BFAR: variants seen among roughly 807,000 people sequenced by gnomAD.
The protein encoded by BFAR is RING finger protein 47.
A neutral mutation model predicts 54.4 loss-of-function variants in BFAR; 52 were observed. The observed-to-expected ratio is 0.96, with a 90% CI of 0.77 to 1.21. The LOEUF (loss-of-function observed/expected upper bound fraction) is 1.21, where lower values mean the gene tolerates loss of function less well. Among genes scored for constraint, BFAR ranks in the 50% most tolerant of loss-of-function variants. The pLI is 0.00. For synonymous variants in BFAR, 215 were observed against 204.3 expected (o/e 1.05, Z -0.45); for missense variants, 571 against 534.0 (o/e 1.07, Z -0.68).
rs766145808 is a variant in BFAR, at chr16:14,668,316, A to G, written c.*489A>G. On this transcript the variant is annotated 3_prime_UTR_variant, in exon 8 of 8. Transcript: ENST00000261658. ...CTGTCATAGGCATAGAGAGTTGCAC[A>G]TAAAAAATACCGAAGAAAACCCAAA... is the stretch of plus-strand genomic sequence containing the variant. The G allele has an allele frequency of 1.3e-5, 2 of 156,466 alleles. No homozygotes were observed. The highest frequency in any genetic ancestry group is 2.8e-5 in the Non-Finnish European group (2 of 70,874). The allele number at this position is 156,466 out of a possible 1,614,324, so 9.7% of individuals were successfully genotyped here. A position where few individuals can be genotyped will look rare whatever the true frequency, so the allele number is the denominator to read the frequency against.
At chr16:14,659,010 C>T (rs770786318) in intron 5 of BFAR, among the ~76,000 whole-genome samples, 32 of 151,588 alleles carry the variant, frequency 2.1e-4, no homozygotes, top group Non-Finnish European at 4.1e-4. Flanking sequence ...CAGGTTCGAG[C>T]GATTCCCCTG....
chr16:14,652,534 G>A (rs751258173), intron 4 of BFAR, among the ~76,000 whole-genome samples: 1 of 151,972 alleles, frequency 6.6e-6, no homozygotes. Context: ...ACCCACCTCG[G>A]CCTCCCAAAG....
chr16:14,666,438 G>A (rs1287757846), intron 7 of BFAR, among the ~76,000 whole-genome samples: 3 of 152,198 alleles, frequency 2.0e-5, no homozygotes, highest in South Asian at 2.1e-4. Flanking sequence ...AGGCGTGGCG[G>A]TGGGTGCCTG....
intron 5 of BFAR, 50 bp from the exon 6 acceptor site, chr16:14,661,842 T>C: frequency 6.3e-7 from 1 of 1,594,872 alleles, no homozygotes; most frequent in Non-Finnish European, 8.6e-7. Flanking sequence ...CGTGGGTGGG[T>C]AGCTGGCCGC....
At chr16:14,654,992 G>A in intron 4 of BFAR, 74 bp from the exon 5 acceptor site, 13 of 1,364,910 alleles carry the variant, frequency 9.5e-6, no homozygotes, top group Non-Finnish European at 1.3e-5. Flanking sequence ...ATATTAGTAA[G>A]ATGGAACTCT....
intron 1 of BFAR, among the ~76,000 whole-genome samples, chr16:14,642,200 G>C (rs890181372): frequency 6.6e-6 from 1 of 152,206 alleles, no homozygotes; most frequent in Admixed American, 6.5e-5. Context: ...TAGCAAGATT[G>C]AGAAACTCAC....
At position 14,662,108 on chromosome 16, in the gene BFAR, A is replaced by G. The variant is rs764484052; in HGVS notation, c.957+43A>G. On this transcript the variant is annotated intron_variant, in intron 6 of 7. Coordinates refer to ENST00000261658, the MANE Select transcript of BFAR (RefSeq NM_016561.3). ...CTGGAATAAAGTTATTCCACTGTCAAGTTATTTGCAGAGATTGCTACCCAC... is the reference window on the plus strand; with the variant it reads ...CTGGAATAAAGTTATTCCACTGTCAGGTTATTTGCAGAGATTGCTACCCAC... 1.2e-6 allele frequency: 2 copies of G among 1,604,260 alleles called. 1 individual carries two copies. Among genetic ancestry groups the G allele is most frequent in the South Asian group, 2.2e-5 (2 of 90,678 alleles).
chr16:14,661,819 A>G, intron 5 of BFAR, 73 bp from the exon 6 acceptor site: 1 of 1,526,900 alleles, frequency 6.5e-7, no homozygotes, highest in Non-Finnish European at 9.0e-7. Context: ...AACAAGCGAG[A>G]GATGGGAAGG....
At position 14,653,257 on chromosome 16, in the gene BFAR, C is replaced by T. The variant is rs114441937; in HGVS notation, c.639-1809C>T. Among the ~76,000 whole-genome samples the T allele has an allele frequency of 9.5e-3, 1,447 of 152,252 alleles. 20 individuals are homozygous for T. The highest frequency in any genetic ancestry group is 0.033 in the African/African-American group (1,377 of 41,542). On this transcript the variant is annotated intron_variant, in intron 4 of 7. Transcript: ENST00000261658. ...TGCCTGTTAATAGCTCTCCGGCCAG[C>T]TTACAGTGATGTTTTTAAGGATGAA... is the stretch of plus-strand genomic sequence containing the variant.
chr16:14,643,751 T>G (rs1011737112), intron 1 of BFAR: 1 of 151,778 alleles, frequency 6.6e-6, no homozygotes, highest in African/African-American at 2.4e-5. Flanking sequence ...CCAGCCTTGT[T>G]GAGAATGAAT....
intron 1 of BFAR, among the ~76,000 whole-genome samples, chr16:14,638,700 C>T (rs1046908705): frequency 2.0e-4 from 30 of 152,184 alleles, no homozygotes; most frequent in Non-Finnish European, 1.2e-4. Flanking sequence ...AATCCCAACA[C>T]TTTGGGAGGC....
At chr16:14,659,242 T>TG (rs1567493905) in intron 5 of BFAR, among the ~76,000 whole-genome samples, 3 of 148,096 alleles carry the variant, frequency 2.0e-5, no homozygotes, top group African/African-American at 7.5e-5. Flanking sequence ...TTGTTTTTTT[T>TG]TGTTTTTTGT....
chr16:14,649,225 G>A (rs2014988), intron 3 of BFAR, among the ~76,000 whole-genome samples: 2 of 151,898 alleles, frequency 1.3e-5, no homozygotes, highest in Non-Finnish European at 1.5e-5. Flanking sequence ...ACAGGCATGC[G>A]CCACTACAAG....
intron 1 of BFAR, among the ~76,000 whole-genome samples, chr16:14,635,067 G>T (rs1567481613): frequency 6.6e-6 from 1 of 152,230 alleles, no homozygotes; most frequent in Non-Finnish European, 1.5e-5. Flanking sequence ...AGGCACGGTG[G>T]CTCACTCCTG....
intron 7 of BFAR, among the ~76,000 whole-genome samples, chr16:14,666,975 G>A (rs1160029235): frequency 1.3e-5 from 2 of 152,090 alleles, no homozygotes; most frequent in African/African-American, 4.8e-5. Flanking sequence ...ACTTTGGGAG[G>A]TGAGAGGATT....
intron 1 of BFAR, among the ~76,000 whole-genome samples, chr16:14,637,026 C>G (rs1443956998): frequency 6.6e-6 from 1 of 152,150 alleles, no homozygotes; most frequent in South Asian, 2.1e-4. Flanking sequence ...TTTCTTAGTA[C>G]AGAACAAAAT....
chr16:14,644,589 C>G lies in BFAR; in HGVS notation c.243C>G (p.Pro81=). 6.2e-7 allele frequency: 1 copy of G among 1,613,198 alleles called. No individual in the cohort carries two copies. Among genetic ancestry groups the G allele is most frequent in the Non-Finnish European group, 8.5e-7 (1 of 1,179,934 alleles). Reference sequence around the variant, plus strand: ...GCAGAGAAAAATGGGAAGGTTTCCCCAAAGTCAGTATTCTCCTCAGGTAAT... The same window carrying G: ...GCAGAGAAAAATGGGAAGGTTTCCCGAAAGTCAGTATTCTCCTCAGGTAAT... ...PECREKWEGF[P]KVSILLRDAI... is the part of the protein sequence containing the mutation. The change falls in exon 2 of 8, where the codon CCC becomes CCG. Residue 81 remains proline, a synonymous_variant. Coordinates refer to ENST00000261658, the MANE Select transcript of BFAR (RefSeq NM_016561.3).
chr16:14,651,567 C>CT (rs1656387955), intron 4 of BFAR, among the ~76,000 whole-genome samples: 1 of 152,130 alleles, frequency 6.6e-6, no homozygotes, highest in East Asian at 1.9e-4. Context: ...ACTGCAATCT[C>CT]TGTGTTTAGG....
Position 14,669,072 on chromosome 16 carries a change from G to A in BFAR, c.*1245G>A. 2.2e-6 allele frequency: 1 copy of A among 455,038 alleles called. No homozygotes were observed. Among genetic ancestry groups the A allele is most frequent in the Non-Finnish European group, 4.4e-6 (1 of 226,188 alleles). 28.2% of individuals were successfully genotyped at this position (455,038 alleles called of 1,614,324 possible). A position where few individuals can be genotyped will look rare whatever the true frequency, so the allele number is the denominator to read the frequency against. ...GTGTGAGATGTCATCTTGGAAGACA[G>A]GCCTTGCAGAAATAGGCCTACATCC... is the stretch of plus-strand genomic sequence containing the variant. On this transcript the variant is annotated 3_prime_UTR_variant, in exon 8 of 8. Transcript: ENST00000261658.
Sources: allele counts gnomAD v4.1 joint callset (sites outside exome capture counted in the v4.1 genomes callset), GRCh38; gene constraint gnomAD v4.1.1; transcripts MANE v1.5; gene names NCBI Gene and HGNC (gene_info 2026-07-23, HGNC 2026-07-21).